Variants in CHD7 observed in about 807,000 individuals in gnomAD.
The protein encoded by CHD7 is chromodomain helicase DNA binding protein 7.
Under a neutral mutation model 307.3 loss-of-function variants are expected in CHD7, and 24 were observed. The ratio of observed to expected loss-of-function variants is 0.08; its 90% confidence interval spans 0.06 to 0.11. The LOEUF is 0.11. CHD7 is among the 10% of genes least tolerant of loss of function. CHD7 has a pLI of 1.00. For synonymous variants in CHD7, 1,363 were observed against 1,349.9 expected (o/e 1.01, Z -0.21); for missense variants, 3,106 against 3,727.1 (o/e 0.83, Z 4.34).
chr8:60,789,055 A>T (rs1362075365), intron 3 of CHD7, among the ~76,000 whole-genome samples: 1 of 152,186 alleles, frequency 6.6e-6, no homozygotes, highest in Non-Finnish European at 1.5e-5. Context: ...TGTCTAAAAA[A>T]CTTAACCAAA....
intron 2 of CHD7, among the ~76,000 whole-genome samples, chr8:60,765,085 C>A (rs1257612830): frequency 6.6e-6 from 1 of 152,168 alleles, no homozygotes; most frequent in Non-Finnish European, 1.5e-5. Context: ...AGTACCCAGA[C>A]TGAGGAGATG....
chr8:60,830,078 T>C (rs1804435049), intron 14 of CHD7, among the ~76,000 whole-genome samples: 1 of 152,222 alleles, frequency 6.6e-6, no homozygotes, highest in Non-Finnish European at 1.5e-5. Context: ...CTGGGTACTT[T>C]TCAAGCCTTC....
At chr8:60,805,723 A>G (rs1268988691) in intron 6 of CHD7, among the ~76,000 whole-genome samples, 2 of 152,210 alleles carry the variant, frequency 1.3e-5, no homozygotes, top group Non-Finnish European at 1.5e-5. Context: ...ATGAGAAGAA[A>G]AGGGACAGTA....
chr8:60,700,235 A>G (rs1473087651), intron 1 of CHD7, among the ~76,000 whole-genome samples: 1 of 152,224 alleles, frequency 6.6e-6, no homozygotes, highest in Non-Finnish European at 1.5e-5. Context: ...GTACTTGGTG[A>G]TTGCTTGCCT....
At chr8:60,864,589 C>A in intron 37 of CHD7, 1 of 198,596 alleles carries the variant, frequency 5.0e-6, no homozygotes, top group African/African-American at 2.3e-5. Flanking sequence ...AGCATTTACC[C>A]TTTGTATTAC....
At chr8:60,732,449 C>G (rs1808500306) in intron 1 of CHD7, among the ~76,000 whole-genome samples, 1 of 152,198 alleles carries the variant, frequency 6.6e-6, no homozygotes. Flanking sequence ...CTTATAGGAG[C>G]TGGTGATTGC....
intron 3 of CHD7, among the ~76,000 whole-genome samples, chr8:60,785,061 G>A (rs1163772653): frequency 6.6e-6 from 1 of 152,170 alleles, no homozygotes; most frequent in Non-Finnish European, 1.5e-5. Context: ...AAGGATTCAT[G>A]GAGCTGGAAT....
In CHD7 at chr8:60,849,060, T is replaced by C. The variant is rs377723386; in HGVS notation, c.5310T>C (p.Asp1770=). ...AAATGTTGTCTTTCAGTGAAGCCGA[T>C]GTGTGGATCCCTGAACCTTTCCATG... ...ILEGADSSEA[D]VWIPEPFHAE... The change falls in exon 25 of 38, where the codon GAT becomes GAC. Residue 1770 remains aspartate (D), a synonymous_variant. Transcript: ENST00000423902. 279 of 1,612,370 alleles carry C rather than the reference T, an allele frequency of 1.7e-4. No homozygotes were observed. The highest frequency in any genetic ancestry group is 2.3e-4 in the Non-Finnish European group (271 of 1,178,564).
At position 60,742,420 on chromosome 8, in the gene CHD7, C is replaced by G. The variant is rs1053945677; in HGVS notation, c.988C>G (p.Gln330Glu). 3.7e-6 allele frequency: 6 copies of G among 1,613,840 alleles called. No individual in the cohort carries two copies. The Admixed American group carries it at 8.3e-5, about 22-fold the overall frequency. ...ATTAGTTAACAATACAGGGATGAAT[C>G]AAAATTTAGGCCTTACAAATAATAC... ...QGLVNNTGMNQNLGLTNNTPM... is the reference protein window; with the variant it reads ...QGLVNNTGMNENLGLTNNTPM... Residue 330 changes from glutamine to glutamate, a missense_variant, in exon 2 of 38, where the codon CAA becomes GAA. Physicochemically the swap from Gln to Glu is conservative, Grantham distance 29 (BLOSUM62 2). Around this residue, in one of 10 missense-constraint regions of CHD7, gnomAD observed 998 missense variants for 1,004.5 expected, o/e 0.99. Coordinates refer to ENST00000423902, the MANE Select transcript of CHD7 (RefSeq NM_017780.4).
chr8:60,801,436 G>A, intron 5 of CHD7, 92 bp from the exon 6 acceptor site: 2 of 887,086 alleles, frequency 2.3e-6, no homozygotes, highest in Non-Finnish European at 3.7e-6. Flanking sequence ...TAAAAGGTGT[G>A]GAGGTGGTAG....
intron 9 of CHD7, 71 bp from the exon 10 acceptor site, chr8:60,821,719 T>TAC: frequency 1.5e-6 from 2 of 1,294,098 alleles, no homozygotes; most frequent in East Asian, 2.5e-5. Flanking sequence ...AACATATATA[T>TAC]ACACATATAT....
At chr8:60,716,843 G>A (rs1380996181) in intron 1 of CHD7, among the ~76,000 whole-genome samples, 1 of 152,166 alleles carries the variant, frequency 6.6e-6, no homozygotes, top group Admixed American at 6.5e-5. Context: ...CTAATCATTG[G>A]AGGGAAAAAT....
At chr8:60,848,842 G>A (rs1563655641) in intron 24 of CHD7, among the ~76,000 whole-genome samples, 1 of 152,154 alleles carries the variant, frequency 6.6e-6, no homozygotes, top group East Asian at 1.9e-4. Context: ...GTTCTGAGAT[G>A]ACCCTTAAAA....
At chr8:60,754,305 C>A (rs940760509) in intron 2 of CHD7, among the ~76,000 whole-genome samples, 5 of 152,138 alleles carry the variant, frequency 3.3e-5, no homozygotes, top group Non-Finnish European at 5.9e-5. Context: ...TTCCCTAAAC[C>A]TCAGTTTCTT....
At position 60,708,655 on chromosome 8, in the gene CHD7, T is replaced by C. The variant is rs557780200; in HGVS notation, c.-175+29573T>C. Among the ~76,000 whole-genome samples the C allele has an allele frequency of 3.3e-5, 5 of 152,328 alleles. No homozygotes were observed. The South Asian group carries it at 1.0e-3, about 32-fold the overall frequency. ...TTATTCGTGATCCCTAAACACTCAG[T>C]CGTTTCCCTCTTCCATGCCTCTTGC... On this transcript the variant is annotated intron_variant, in intron 1 of 37. Coordinates refer to ENST00000423902, the MANE Select transcript of CHD7 (RefSeq NM_017780.4).
intron 26 of CHD7, 196 bp from the exon 27 acceptor site, chr8:60,850,836 A>G (rs1278784642): frequency 7.2e-6 from 5 of 697,638 alleles, no homozygotes; most frequent in South Asian, 2.0e-5. Context: ...TCCAAATGTC[A>G]TTTCCCGCAA....
intron 16 of CHD7, 127 bp downstream of exon 16, chr8:60,836,410 A>G: frequency 1.4e-6 from 1 of 725,688 alleles, no homozygotes; most frequent in African/African-American, 1.8e-5. Context: ...ATCACATGTC[A>G]TTTTTAAAAC....
At chr8:60,793,088 G>C (rs575666655) in intron 3 of CHD7, among the ~76,000 whole-genome samples, 1 of 152,282 alleles carries the variant, frequency 6.6e-6, no homozygotes, top group East Asian at 1.9e-4. Context: ...TTGGCGTGCA[G>C]ATGAAAGGAA....
intron 2 of CHD7, among the ~76,000 whole-genome samples, chr8:60,760,758 G>A (rs1810151264): frequency 6.6e-6 from 1 of 150,854 alleles, no homozygotes; most frequent in African/African-American, 2.4e-5. Context: ...CACCATCACT[G>A]GCCATCAGAG....
Sources: allele counts gnomAD v4.1 joint callset (sites outside exome capture counted in the v4.1 genomes callset), GRCh38; gene constraint gnomAD v4.1.1; regional missense constraint gnomAD v4.1.1; transcripts MANE v1.5; gene names NCBI Gene and HGNC (gene_info 2026-07-23, HGNC 2026-07-21).